Variants in CNOT6L observed in about 807,000 individuals in gnomAD.
The protein encoded by CNOT6L is CCR4-NOT transcription complex subunit 6-like.
Under a neutral mutation model 64.0 loss-of-function variants are expected in CNOT6L, and 7 were observed. The ratio of observed to expected loss-of-function variants is 0.11; its 90% confidence interval spans 0.06 to 0.21. CNOT6L has a LOEUF of 0.21. CNOT6L is among the 10% of genes least tolerant of loss of function. The pLI, the probability that CNOT6L is intolerant of heterozygous loss-of-function variation, is 1.00. For synonymous variants in CNOT6L, 193 were observed against 243.4 expected, an observed-to-expected ratio of 0.79 and a Z score of 1.93; for missense variants, 245 against 669.0, an observed-to-expected ratio of 0.37 and a Z score of 6.99.
At chr4:77,738,796 T>A (rs1430134551) in intron 8 of CNOT6L, among the ~76,000 whole-genome samples, 3 of 150,704 alleles carry the variant, frequency 2.0e-5, no homozygotes, top group African/African-American at 7.3e-5. Context: ...AGTTTCTACA[T>A]ATACATTATA....
At chr4:77,785,833 G>A (rs1363526525) in intron 1 of CNOT6L, among the ~76,000 whole-genome samples, 1 of 152,180 alleles carries the variant, frequency 6.6e-6, no homozygotes. Flanking sequence ...CAGTGCTGAA[G>A]TAGAAGAGAT....
At chr4:77,769,777 A>C (rs886729863) in intron 4 of CNOT6L, among the ~76,000 whole-genome samples, 2 of 152,174 alleles carry the variant, frequency 1.3e-5, no homozygotes, top group African/African-American at 4.8e-5. Flanking sequence ...AAAGTCTTCC[A>C]CTGACATGGT....
At position 77,716,769 on chromosome 4, in the gene CNOT6L, T is replaced by G. The variant is rs1473629974; in HGVS notation, c.*3662A>C. Reference sequence around the variant, plus strand: ...GGCAAATAAGAAACAGCTTTTATATTTTTGCCAACTACACTAAAACACAGT... The same window carrying G: ...GGCAAATAAGAAACAGCTTTTATATGTTTGCCAACTACACTAAAACACAGT... On this transcript the variant is annotated 3_prime_UTR_variant, in exon 12 of 12. Transcript: ENST00000504123. 6.6e-6 allele frequency: 1 copy of G among 152,540 alleles called. No homozygotes were observed. Among genetic ancestry groups the G allele is most frequent in the Non-Finnish European group, 1.5e-5 (1 of 68,016 alleles). The allele number at this position is 152,540 out of a possible 1,614,324, so 9.4% of individuals were successfully genotyped here.
chr4:77,811,322 G>A (rs1203241505), intron 1 of CNOT6L, among the ~76,000 whole-genome samples: 1 of 152,122 alleles, frequency 6.6e-6, no homozygotes, highest in Non-Finnish European at 1.5e-5. Flanking sequence ...AGCTGAGGCG[G>A]GCAGATCACA....
chr4:77,746,205 GCAATTTTTATAATATA>G (rs995832312), intron 6 of CNOT6L, among the ~76,000 whole-genome samples: 6 of 152,152 alleles, frequency 3.9e-5, no homozygotes, highest in Non-Finnish European at 8.8e-5. Flanking sequence ...ATCAGAGATT[GCAATTTTTATAATATA>G]GCCAAAACTC....
At chr4:77,723,553 T>TG (rs1721521450) in intron 11 of CNOT6L, among the ~76,000 whole-genome samples, 1 of 152,226 alleles carries the variant, frequency 6.6e-6, no homozygotes, top group Admixed American at 6.5e-5. Flanking sequence ...TTCTGTTACT[T>TG]GGACTAAGAG....
intron 11 of CNOT6L, among the ~76,000 whole-genome samples, chr4:77,722,333 G>A (rs1040045681): frequency 6.6e-6 from 1 of 152,064 alleles, no homozygotes; most frequent in African/African-American, 2.4e-5. Context: ...GGCCAAGGCG[G>A]GCAGATCACT....
rs147391844 is a variant in CNOT6L at position 77,805,616 on chromosome 4, C to T, written c.5+13688G>A. ...TACCAGTATTACAAAATTATGGTAG[C>T]TATTAGACTCATTGCAAGACGTTAC... On this transcript the variant is annotated intron_variant, in intron 1 of 11. Coordinates refer to ENST00000504123, the MANE Select transcript of CNOT6L (RefSeq NM_144571.3). Among the ~76,000 whole-genome samples, 577 of 152,256 alleles carry T rather than the reference C, an allele frequency of 3.8e-3. 4 individuals carry two copies. The highest frequency in any genetic ancestry group is 0.013 in the African/African-American group (551 of 41,540).
Position 77,726,387 on chromosome 4 carries a change from A to G in CNOT6L, c.1253-18T>C. On this transcript the variant is annotated intron_variant, in intron 10 of 11. Coordinates refer to ENST00000504123, the MANE Select transcript of CNOT6L (RefSeq NM_144571.3). ...CACAACACCTGGTAGAATAAAGAAG[A>G]GACACTTCCATTTAGCATTTAGACC... is the stretch of plus-strand genomic sequence containing the variant. 3.2e-6 allele frequency: 5 copies of G among 1,586,652 alleles called. No individual in the cohort carries two copies. Among genetic ancestry groups the G allele is most frequent in the Non-Finnish European group, 3.5e-6 (4 of 1,158,278 alleles).
intron 1 of CNOT6L, among the ~76,000 whole-genome samples, chr4:77,784,063 G>A (rs888758476): frequency 2.0e-5 from 3 of 151,982 alleles, no homozygotes; most frequent in Middle Eastern, 3.4e-3. Flanking sequence ...ATAACTTTAC[G>A]GCAATCCAGA....
intron 9 of CNOT6L, among the ~76,000 whole-genome samples, chr4:77,729,997 G>A (rs1227819425): frequency 6.6e-6 from 1 of 151,958 alleles, no homozygotes; most frequent in African/African-American, 2.4e-5. Context: ...TGACATGAGG[G>A]ATCTCTCACT....
intron 8 of CNOT6L, among the ~76,000 whole-genome samples, chr4:77,736,165 C>A (rs1377418002): frequency 6.6e-6 from 1 of 152,144 alleles, no homozygotes; most frequent in African/African-American, 2.4e-5. Context: ...CCTTCCACTG[C>A]CACTGAGAAA....
intron 8 of CNOT6L, among the ~76,000 whole-genome samples, chr4:77,737,474 T>C (rs1723099533): frequency 7.4e-6 from 1 of 135,066 alleles, no homozygotes; most frequent in African/African-American, 2.8e-5. Context: ...CAGGCTGGAG[T>C]GCAACGGCAC....
intron 8 of CNOT6L, chr4:77,731,950 T>C (rs1722486395): frequency 6.4e-6 from 1 of 155,974 alleles, no homozygotes; most frequent in African/African-American, 2.4e-5. Context: ...CTGCTAGAAT[T>C]TTCTGGTATT....
intron 4 of CNOT6L, among the ~76,000 whole-genome samples, chr4:77,765,823 G>T (rs1726760964): frequency 6.6e-6 from 1 of 152,100 alleles, no homozygotes; most frequent in African/African-American, 2.4e-5. Context: ...TCATGTAACT[G>T]TTACCCTGGG....
intron 5 of CNOT6L, among the ~76,000 whole-genome samples, chr4:77,752,505 A>T (rs566610636): frequency 6.6e-6 from 1 of 152,298 alleles, no homozygotes; most frequent in East Asian, 1.9e-4. Flanking sequence ...TATTTTTAAC[A>T]TTTAAATTAA....
At chr4:77,729,159 A>G (rs1248574348) in intron 9 of CNOT6L, 78 bp from the exon 10 acceptor site, 20 of 1,014,256 alleles carry the variant, frequency 2.0e-5, no homozygotes, top group South Asian at 2.8e-5. Flanking sequence ...GGTTTTCTCA[A>G]TATGATCCAC....
At chr4:77,784,912 G>A (rs1005497775) in intron 1 of CNOT6L, among the ~76,000 whole-genome samples, 2 of 151,900 alleles carry the variant, frequency 1.3e-5, no homozygotes, top group African/African-American at 4.8e-5. Context: ...CTCTTCTTCT[G>A]TATATTTCCC....
intron 9 of CNOT6L, among the ~76,000 whole-genome samples, chr4:77,729,806 A>G (rs1043530988): frequency 1.3e-5 from 2 of 152,062 alleles, no homozygotes; most frequent in African/African-American, 2.4e-5. Flanking sequence ...AAACATTAAC[A>G]TAGTACTTTC....
Sources: allele counts gnomAD v4.1 joint callset (sites outside exome capture counted in the v4.1 genomes callset), GRCh38; gene constraint gnomAD v4.1.1; transcripts MANE v1.5; gene names NCBI Gene and HGNC (gene_info 2026-07-23, HGNC 2026-07-21).